Variants in TENM2 observed in about 807,000 individuals in gnomAD.
TENM2 encodes teneurin transmembrane protein 2.
Under a neutral mutation model 245.2 loss-of-function variants are expected in TENM2, and 52 were observed. The observed-to-expected ratio is 0.21, with a 90% CI of 0.17 to 0.27. The LOEUF (loss-of-function observed/expected upper bound fraction) is 0.27, where lower values mean the gene tolerates loss of function less well. Among genes scored for constraint, TENM2 ranks in the 10% least tolerant of loss-of-function variants. The pLI is 1.00. For synonymous variants in TENM2, 1,363 were observed against 1,438.9 expected (o/e 0.95, Z 1.19); for missense variants, 3,046 against 3,666.8 (o/e 0.83, Z 4.37).
At chr5:167,203,377 A>G in the TENM2 span, among the ~76,000 whole-genome samples, 1 of 152,090 alleles carries the variant, frequency 6.6e-6, no homozygotes. Context: ...CTCCGACCAC[A>G]TACTCTCTCT....
At chr5:167,326,715 A>G (rs1259801562) in intron 1 of TENM2, among the ~76,000 whole-genome samples, 2 of 147,692 alleles carry the variant, frequency 1.4e-5, no homozygotes, top group East Asian at 3.9e-4. Flanking sequence ...ATATATATAT[A>G]TATATATAAA....
intron 12 of TENM2, among the ~76,000 whole-genome samples, chr5:168,158,827 GTGTATATA>G (rs1158328876): frequency 3.2e-4 from 22 of 69,492 alleles, no homozygotes; most frequent in African/African-American, 1.2e-3. Flanking sequence ...GTGTGTGTGT[GTGTATATA>G]TATATATATA....
chr5:167,659,018 T>A (rs563258089), intron 2 of TENM2, among the ~76,000 whole-genome samples: 1 of 152,324 alleles, frequency 6.6e-6, no homozygotes, highest in East Asian at 1.9e-4. Context: ...TCTTTTCAAA[T>A]AAACACTGGG....
chr5:168,018,518 T>C lies in TENM2; in HGVS notation c.1186+25336T>C, dbSNP rs548307750. On this transcript the variant is annotated intron_variant, in intron 5 of 28. Transcript: ENST00000518659. ...GATGACAATTTTGAGCTGGAGTAAC[T>C]GCAGATATTGACTTGTCGACCACCT... 2.6e-5 allele frequency among the ~76,000 whole-genome samples: 4 copies of C among 152,204 alleles called. No homozygotes were observed. In the East Asian group the frequency reaches 5.8e-4, roughly 22 times the overall value.
intron 2 of TENM2, among the ~76,000 whole-genome samples, chr5:167,851,928 A>T (rs1396438298): frequency 6.6e-6 from 1 of 152,222 alleles, no homozygotes; most frequent in Non-Finnish European, 1.5e-5. Context: ...AATTTTTTTA[A>T]AGGAAGAAAG....
At chr5:168,029,802 T>C (rs1302471472) in intron 5 of TENM2, among the ~76,000 whole-genome samples, 1 of 152,236 alleles carries the variant, frequency 6.6e-6, no homozygotes, top group Non-Finnish European at 1.5e-5. Context: ...TAGTCTTCCC[T>C]ATAATTGCAC....
intron 2 of TENM2, among the ~76,000 whole-genome samples, chr5:167,698,398 GTC>G (rs1757910450): frequency 6.6e-6 from 1 of 152,126 alleles, no homozygotes; most frequent in Non-Finnish European, 1.5e-5. Flanking sequence ...CATGCTGTCT[GTC>G]TCTCCATCAG....
chr5:168,134,119 C>T (rs760907627), intron 12 of TENM2, among the ~76,000 whole-genome samples: 1 of 151,992 alleles, frequency 6.6e-6, no homozygotes, highest in Non-Finnish European at 1.5e-5. Context: ...CATGCCACTG[C>T]ACTCTAGCCT....
At chr5:167,753,031 C>T (rs977713385) in intron 2 of TENM2, among the ~76,000 whole-genome samples, 1 of 152,062 alleles carries the variant, frequency 6.6e-6, no homozygotes, top group Non-Finnish European at 1.5e-5. Context: ...GACTGTACCC[C>T]GTGGTTTCTA....
intron 5 of TENM2, among the ~76,000 whole-genome samples, chr5:168,039,062 T>C (rs73803854): frequency 0.17 from 25,358 of 152,034 alleles, 2,544 homozygotes; most frequent in Admixed American, 0.28. Flanking sequence ...GGTGTCCTAA[T>C]TGGCACACTC....
intron 2 of TENM2, among the ~76,000 whole-genome samples, chr5:167,376,938 A>C (rs551996154): frequency 6.6e-6 from 1 of 152,346 alleles, no homozygotes; most frequent in Admixed American, 6.5e-5. Context: ...CCAAGAATTT[A>C]TGGCACATTT....
chr5:167,561,971 C>T (rs1466630672), intron 2 of TENM2, among the ~76,000 whole-genome samples: 1 of 152,136 alleles, frequency 6.6e-6, no homozygotes, highest in Non-Finnish European at 1.5e-5. Flanking sequence ...AGTCTCTGTG[C>T]CTGTTGGTGC....
intron 2 of TENM2, among the ~76,000 whole-genome samples, chr5:167,622,272 A>G (rs180815459): frequency 6.6e-6 from 1 of 152,274 alleles, no homozygotes; most frequent in Non-Finnish European, 1.5e-5. Flanking sequence ...CATACCATCA[A>G]ACCTCTGAAA....
intron 13 of TENM2, chr5:168,186,025 T>C (rs1760397831): frequency 1.4e-5 from 2 of 146,282 alleles, no homozygotes; most frequent in South Asian, 2.2e-4. Context: ...AATTTATTTA[T>C]TCTTCATCAC....
intron 2 of TENM2, among the ~76,000 whole-genome samples, chr5:167,835,922 C>T (rs1433514027): frequency 1.3e-5 from 2 of 152,100 alleles, no homozygotes; most frequent in Non-Finnish European, 2.9e-5. Context: ...ACAACAGTTA[C>T]CCCTGGGAAG....
At chr5:167,652,545 GTCA>G (rs1389377203) in intron 2 of TENM2, among the ~76,000 whole-genome samples, 1 of 151,856 alleles carries the variant, frequency 6.6e-6, no homozygotes, top group African/African-American at 2.4e-5. Flanking sequence ...TGAATATCTG[GTCA>G]GTATGTCAAA....
At chr5:167,073,552 C>T in the TENM2 span, among the ~76,000 whole-genome samples, 1 of 152,080 alleles carries the variant, frequency 6.6e-6, no homozygotes, top group Admixed American at 6.5e-5. Flanking sequence ...TTGTCTCTCC[C>T]CCTCCCAACC....
chr5:167,854,368 G>A (rs2078928501), intron 2 of TENM2, among the ~76,000 whole-genome samples: 1 of 152,178 alleles, frequency 6.6e-6, no homozygotes, highest in African/African-American at 2.4e-5. Flanking sequence ...TTATTTTTTG[G>A]ACCATCTCTA....
At chr5:167,044,565 C>A in the TENM2 span, among the ~76,000 whole-genome samples, 10 of 152,060 alleles carry the variant, frequency 6.6e-5, no homozygotes, top group Non-Finnish European at 1.2e-4. Context: ...TTGTGGCCAT[C>A]TGAGATCACA....
Sources: gnomAD v4.1 joint callset for allele counts (sites outside exome capture counted in the v4.1 genomes callset) on GRCh38, gnomAD v4.1.1 for gene constraint, MANE v1.5 for transcripts, NCBI Gene and HGNC (gene_info 2026-07-23, HGNC 2026-07-21) for gene names.